The following PALM2AKAP2 variants were observed in gnomAD, a reference collection of about 807,000 sequenced individuals.
The protein encoded by PALM2AKAP2 is PALM2 and AKAP2 fusion.
A neutral mutation model predicts 71.5 loss-of-function variants in PALM2AKAP2; 37 were observed. The ratio of observed to expected loss-of-function variants is 0.52; its 90% CI spans 0.40 to 0.68. PALM2AKAP2 has a LOEUF of 0.68. PALM2AKAP2 is among the 30% of genes least tolerant of loss of function. The pLI, the probability that PALM2AKAP2 is intolerant of heterozygous loss-of-function variation, is 0.00. For synonymous variants in PALM2AKAP2, 468 were observed against 478.8 expected, an observed-to-expected ratio of 0.98 and a Z score of 0.29; for missense variants, 1,224 against 1,191.8, an observed-to-expected ratio of 1.03 and a Z score of -0.40.
intron 1 of PALM2AKAP2, among the ~76,000 whole-genome samples, chr9:109,783,462 C>G (rs1488336073): frequency 6.6e-6 from 1 of 151,984 alleles, no homozygotes; most frequent in Non-Finnish European, 1.5e-5. Context: ...CCATGCCCAG[C>G]TAATTTTTAA....
chr9:110,160,774 G>T (rs1836576160), intron 3 of PALM2AKAP2, among the ~76,000 whole-genome samples: 1 of 152,108 alleles, frequency 6.6e-6, no homozygotes, highest in Admixed American at 6.5e-5. Context: ...CAGCCTCCTG[G>T]ATGTTCAGCC....
rs143723210 is a variant in PALM2AKAP2 at position 109,840,121 on chromosome 9, A to G, written c.46-27370A>G. 2.2e-3 allele frequency among the ~76,000 whole-genome samples: 328 copies of G among 152,336 alleles called. 2 individuals carry two copies. Among genetic ancestry groups the G allele is most frequent in the African/African-American group, 7.6e-3 (315 of 41,578 alleles). Reference sequence around the variant, plus strand: ...GCTACCTGACTTCAAACTATACTACAAGGCTATAGTAACCAAAACAGCAAT... The same window carrying G: ...GCTACCTGACTTCAAACTATACTACGAGGCTATAGTAACCAAAACAGCAAT... On this transcript the variant is annotated intron_variant, in intron 1 of 9. Coordinates refer to the PALM2AKAP2 transcript ENST00000302798.
chr9:110,108,315 G>A (rs1056339585), intron 1 of PALM2AKAP2, among the ~76,000 whole-genome samples: 6 of 151,998 alleles, frequency 3.9e-5, no homozygotes, highest in African/African-American at 1.2e-4. Context: ...TTTTCACCAT[G>A]TTGGCCAGGC....
At chr9:109,656,154 A>C (rs1827303032) in intron 1 of PALM2AKAP2, among the ~76,000 whole-genome samples, 1 of 152,200 alleles carries the variant, frequency 6.6e-6, no homozygotes, top group African/African-American at 2.4e-5. Flanking sequence ...GGGTATGGGC[A>C]ACCTCATGTA....
chr9:109,705,753 G>A (rs909830303), intron 1 of PALM2AKAP2, among the ~76,000 whole-genome samples: 2 of 152,138 alleles, frequency 1.3e-5, no homozygotes, highest in African/African-American at 4.8e-5. Flanking sequence ...TTTGAATCCA[G>A]CCTCTGCCAC....
At chr9:109,983,389 GCT>G (rs1226743151) in intron 6 of PALM2AKAP2, among the ~76,000 whole-genome samples, 4 of 151,774 alleles carry the variant, frequency 2.6e-5, no homozygotes, top group Non-Finnish European at 2.9e-5. Flanking sequence ...TTCCATTCAT[GCT>G]CTCTCTCTTC....
chr9:109,648,065 G>A (rs1827177816), intron 1 of PALM2AKAP2, among the ~76,000 whole-genome samples: 1 of 152,152 alleles, frequency 6.6e-6, no homozygotes, highest in South Asian at 2.1e-4. Flanking sequence ...CTGTTCTCAT[G>A]ATAGTGAGTG....
chr9:110,082,087 GT>G (rs1363605753), intron 1 of PALM2AKAP2, among the ~76,000 whole-genome samples: 4 of 151,958 alleles, frequency 2.6e-5, no homozygotes, highest in Non-Finnish European at 4.4e-5. Context: ...GTGGCTTTTT[GT>G]TTTGTTTTGT....
chr9:109,691,442 G>T, intron 1 of PALM2AKAP2, among the ~76,000 whole-genome samples: 1 of 151,952 alleles, frequency 6.6e-6, no homozygotes, highest in East Asian at 1.9e-4. Context: ...ATTTAAGAAT[G>T]CTCTTTCTAG....
intron 1 of PALM2AKAP2, among the ~76,000 whole-genome samples, chr9:109,645,549 GA>G (rs200417685): frequency 0.021 from 2,561 of 122,334 alleles, 75 homozygotes; most frequent in African/African-American, 0.065. Context: ...CTTAGTTTAA[GA>G]AAAAAAAAAA....
intron 1 of PALM2AKAP2, among the ~76,000 whole-genome samples, chr9:110,098,359 T>G (rs918200566): frequency 6.6e-6 from 1 of 152,212 alleles, no homozygotes; most frequent in African/African-American, 2.4e-5. Flanking sequence ...TAAAGCCATG[T>G]TACCTTTAAA....
chr9:109,892,771 C>G (rs750830510), intron 3 of PALM2AKAP2, among the ~76,000 whole-genome samples: 1 of 151,900 alleles, frequency 6.6e-6, no homozygotes, highest in African/African-American at 2.4e-5. Flanking sequence ...TCAGTTTCTT[C>G]TTCTATAAAA....
At chr9:110,100,589 C>T (rs1188674300) in intron 1 of PALM2AKAP2, among the ~76,000 whole-genome samples, 1 of 152,120 alleles carries the variant, frequency 6.6e-6, no homozygotes, top group Non-Finnish European at 1.5e-5. Context: ...AGATGGAAAG[C>T]TCCTTGTATC....
At chr9:109,835,884 G>T (rs1185842555) in intron 1 of PALM2AKAP2, among the ~76,000 whole-genome samples, 3 of 152,214 alleles carry the variant, frequency 2.0e-5, no homozygotes, top group African/African-American at 7.2e-5. Flanking sequence ...TGGCCGGGAA[G>T]CTCGAACTGG....
At chr9:110,147,956 A>G (rs1836219723) in intron 2 of PALM2AKAP2, among the ~76,000 whole-genome samples, 1 of 152,186 alleles carries the variant, frequency 6.6e-6, no homozygotes, top group Non-Finnish European at 1.5e-5. Flanking sequence ...GTCAGGAATA[A>G]TGAGTTTTCA....
chr9:110,143,290 C>G (rs1191514750), intron 2 of PALM2AKAP2, among the ~76,000 whole-genome samples: 1 of 149,026 alleles, frequency 6.7e-6, no homozygotes, highest in African/African-American at 2.5e-5. Context: ...AGTGTGGTGA[C>G]ACATGCCTGT....
chr9:110,015,839 G>A, intron 6 of PALM2AKAP2, 115 bp from the exon 7 acceptor site: 1 of 934,510 alleles, frequency 1.1e-6, no homozygotes, highest in East Asian at 2.7e-5. Flanking sequence ...AGAGCTATAG[G>A]TCATCATCAG....
intron 1 of PALM2AKAP2, among the ~76,000 whole-genome samples, chr9:109,769,616 A>G (rs1359035949): frequency 6.6e-6 from 1 of 152,126 alleles, no homozygotes; most frequent in Non-Finnish European, 1.5e-5. Flanking sequence ...GGTTGGGGGG[A>G]AAAGCCAGGC....
chr9:109,747,770 A>G (rs1040679409), intron 1 of PALM2AKAP2, among the ~76,000 whole-genome samples: 2 of 152,102 alleles, frequency 1.3e-5, no homozygotes, highest in African/African-American at 4.8e-5. Context: ...CCCAGACTCA[A>G]TGGATTCTCC....
Sources: gnomAD v4.1 joint callset for allele counts (sites outside exome capture counted in the v4.1 genomes callset) on GRCh38, gnomAD v4.1.1 for gene constraint, MANE v1.5 for transcripts, NCBI Gene and HGNC (gene_info 2026-07-23, HGNC 2026-07-21) for gene names.